GRIA2: variants seen among roughly 807,000 people sequenced by gnomAD.
GRIA2 encodes the protein glutamate receptor 2.
Under a neutral mutation model 97.3 loss-of-function variants are expected in GRIA2, and 14 were observed. The observed-to-expected ratio is 0.14, with a 90% CI of 0.10 to 0.23. GRIA2 has a LOEUF of 0.23. GRIA2 is among the 10% of genes least tolerant of loss of function. GRIA2 has a pLI of 1.00. For missense variants in GRIA2, 558 were observed against 1,069.8 expected, an observed-to-expected ratio of 0.52 and a Z score of 6.67; for synonymous variants, 412 against 387.8, an observed-to-expected ratio of 1.06 and a Z score of -0.73.
chr4:157,235,475 A>G (rs1466121922), intron 2 of GRIA2, among the ~76,000 whole-genome samples: 1 of 152,030 alleles, frequency 6.6e-6, no homozygotes, highest in Non-Finnish European at 1.5e-5. Context: ...ATATTATCCT[A>G]TACGTTGGGC....
intron 12 of GRIA2, among the ~76,000 whole-genome samples, chr4:157,341,684 G>A (rs1474109010): frequency 6.6e-6 from 1 of 151,990 alleles, no homozygotes; most frequent in Non-Finnish European, 1.5e-5. Context: ...TCACAATGTT[G>A]CAATGAAATC....
chr4:157,310,750 T>A (rs973444665), intron 3 of GRIA2, among the ~76,000 whole-genome samples: 57 of 152,254 alleles, frequency 3.7e-4, no homozygotes, highest in African/African-American at 1.3e-3. Context: ...GTTAACATAA[T>A]TTTTAAGACT....
chr4:157,246,125 T>C (rs1730720677), intron 2 of GRIA2, among the ~76,000 whole-genome samples: 1 of 152,120 alleles, frequency 6.6e-6, no homozygotes, highest in African/African-American at 2.4e-5. Context: ...ATTCCAGTAT[T>C]ACGTTTAGTT....
At chr4:157,277,185 C>A (rs941273449) in intron 2 of GRIA2, among the ~76,000 whole-genome samples, 7 of 151,792 alleles carry the variant, frequency 4.6e-5, no homozygotes, top group Non-Finnish European at 1.0e-4. Flanking sequence ...AAAATAATTA[C>A]ACACCACAGC....
intron 2 of GRIA2, among the ~76,000 whole-genome samples, chr4:157,302,512 G>A (rs577277491): frequency 1.3e-5 from 2 of 152,148 alleles, no homozygotes; most frequent in East Asian, 3.9e-4. Flanking sequence ...CTATGCAAGT[G>A]TCTTTGGTAG....
chr4:157,358,832 G>A (rs140386382), intron 12 of GRIA2, among the ~76,000 whole-genome samples: 10 of 152,032 alleles, frequency 6.6e-5, no homozygotes, highest in African/African-American at 2.2e-4. Context: ...AAACCATTTG[G>A]ATTTATATCA....
intron 12 of GRIA2, among the ~76,000 whole-genome samples, chr4:157,345,059 C>T (rs1164776287): frequency 6.6e-6 from 1 of 151,422 alleles, no homozygotes; most frequent in Non-Finnish European, 1.5e-5. Flanking sequence ...TTTTTCTTTC[C>T]GTTAAAGTCT....
intron 3 of GRIA2, among the ~76,000 whole-genome samples, chr4:157,307,703 G>A (rs890976302): frequency 6.6e-6 from 1 of 152,174 alleles, no homozygotes; most frequent in African/African-American, 2.4e-5. Flanking sequence ...TTGGTTTAGT[G>A]TCAACAAGGT....
chr4:157,239,809 G>A (rs1365357783), intron 2 of GRIA2, among the ~76,000 whole-genome samples: 1 of 151,812 alleles, frequency 6.6e-6, no homozygotes, highest in Non-Finnish European at 1.5e-5. Flanking sequence ...ACCATGCTAT[G>A]ATTAGATTTT....
intron 3 of GRIA2, among the ~76,000 whole-genome samples, chr4:157,307,485 C>G (rs909895943): frequency 9.2e-5 from 14 of 152,166 alleles, no homozygotes; most frequent in Non-Finnish European, 1.5e-4. Flanking sequence ...CTTCTCCTTA[C>G]CCAGGCCATG....
intron 1 of GRIA2, 52 bp downstream of exon 1, chr4:157,221,182 C>A: frequency 1.1e-6 from 1 of 924,292 alleles, no homozygotes; most frequent in Non-Finnish European, 1.8e-6. Context: ...TGGTGGTAAT[C>A]TTTGTTCACA....
At chr4:157,310,948 A>G (rs565668080) in intron 3 of GRIA2, among the ~76,000 whole-genome samples, 1 of 152,132 alleles carries the variant, frequency 6.6e-6, no homozygotes, top group East Asian at 1.9e-4. Context: ...TTCAACACCA[A>G]AATAGGTGGG....
intron 12 of GRIA2, among the ~76,000 whole-genome samples, chr4:157,355,042 T>G (rs142252284): frequency 5.9e-5 from 9 of 152,272 alleles, no homozygotes; most frequent in African/African-American, 2.2e-4. Context: ...CTTGGGTCTT[T>G]TGTTACTGAT....
At chr4:157,256,056 A>G (rs903328895) in intron 2 of GRIA2, among the ~76,000 whole-genome samples, 3 of 149,162 alleles carry the variant, frequency 2.0e-5, no homozygotes, top group African/African-American at 7.4e-5. Flanking sequence ...TACTGTGTAT[A>G]TGTGTGTGTA....
chr4:157,244,268 A>G (rs1473101647), intron 2 of GRIA2, among the ~76,000 whole-genome samples: 2 of 152,052 alleles, frequency 1.3e-5, no homozygotes, highest in Non-Finnish European at 2.9e-5. Flanking sequence ...AACAAAAGCT[A>G]GAGAGATCAG....
At chr4:157,233,937 G>T (rs529983569) in intron 2 of GRIA2, among the ~76,000 whole-genome samples, 1 of 152,112 alleles carries the variant, frequency 6.6e-6, no homozygotes, top group South Asian at 2.1e-4. Flanking sequence ...ATAAATTTGT[G>T]GAGAAGCTTT....
intron 2 of GRIA2, among the ~76,000 whole-genome samples, chr4:157,278,337 G>C (rs1284105587): frequency 1.3e-5 from 2 of 151,852 alleles, no homozygotes; most frequent in East Asian, 1.9e-4. Context: ...ATAGTCAACT[G>C]ATTATGACAA....
At chr4:157,302,366 G>T (rs1431840904) in intron 2 of GRIA2, among the ~76,000 whole-genome samples, 1 of 152,110 alleles carries the variant, frequency 6.6e-6, no homozygotes, top group Non-Finnish European at 1.5e-5. Context: ...AGAATTGAAT[G>T]GAAGGAATGT....
chr4:157,322,106 A>G (rs561191420), intron 6 of GRIA2, among the ~76,000 whole-genome samples: 2 of 152,262 alleles, frequency 1.3e-5, no homozygotes, highest in East Asian at 3.9e-4. Context: ...TTGCAAATAA[A>G]TTAAAGAACA....
Sources: gnomAD v4.1 joint callset for allele counts (sites outside exome capture counted in the v4.1 genomes callset) on GRCh38, gnomAD v4.1.1 for gene constraint, MANE v1.5 for transcripts, NCBI Gene and HGNC (gene_info 2026-07-23, HGNC 2026-07-21) for gene names.